The following RHOBTB2 variants were observed in gnomAD, a reference collection of about 807,000 sequenced individuals.
The protein encoded by RHOBTB2 is Rho related BTB domain containing 2.
RHOBTB2 carries 39 observed loss-of-function variants against 66.5 expected under a neutral mutation model. The ratio of observed to expected loss-of-function variants is 0.59; its 90% CI spans 0.45 to 0.77. The LOEUF is 0.77. Among genes scored for constraint, RHOBTB2 ranks in the 30% least tolerant of loss-of-function variants. The pLI is 0.00. For synonymous variants in RHOBTB2, 390 were observed against 395.0 expected (o/e 0.99, Z 0.15); for missense variants, 755 against 999.1 (o/e 0.76, Z 3.29).
In RHOBTB2 at chr8:23,007,473, C is replaced by T. The variant is rs531552869; in HGVS notation, c.1228C>T (p.Arg410Trp). ...AGAAGATCCTCTCACCTACAAATCC[C>T]GGCTGATGGTGGTGGTGAAGATGGA... ...MAEDPLTYKSRLMVVVKMDSS... is the reference protein window; with the variant it reads ...MAEDPLTYKSWLMVVVKMDSS... The change falls in exon 5 of 10, where the codon CGG becomes TGG. Residue 410 changes from arginine (R) to tryptophan (W), a missense_variant. Arg to Trp is a moderately radical substitution (Grantham distance 101). Transcript: ENST00000251822. The T allele has an allele frequency of 3.5e-5, 57 of 1,614,162 alleles. No individual in the cohort carries two copies. The East Asian group carries it at 5.8e-4, about 16-fold the overall frequency.
At chr8:22,996,738 T>C (rs1236700207), upstream of RHOBTB2, among the ~76,000 whole-genome samples, 3 of 151,932 alleles carry the variant, frequency 2.0e-5, no homozygotes, top group African/African-American at 4.8e-5. Flanking sequence ...CTTCCTGTGC[T>C]GTGAGACGCT....
chr8:22,973,546 T>C, the RHOBTB2 span, among the ~76,000 whole-genome samples: 1 of 152,236 alleles, frequency 6.6e-6, no homozygotes, highest in South Asian at 2.1e-4. Context: ...CTCTCCCCCA[T>C]GTCAAACCAC....
Position 23,011,280 on chromosome 8 carries a change from A to G in RHOBTB2, c.1771+592A>G, listed in dbSNP as rs200662989. On this transcript the variant is annotated intron_variant, in intron 7 of 9. Transcript: ENST00000251822. Reference sequence around the variant, plus strand: ...AAAACAAACAAACAAAAAATGGAACATGACAGTGCTTTATGTTCTTTGCTT... The same window carrying G: ...AAAACAAACAAACAAAAAATGGAACGTGACAGTGCTTTATGTTCTTTGCTT... 2.6e-5 allele frequency among the ~76,000 whole-genome samples: 4 copies of G among 152,318 alleles called. No individual in the cohort carries two copies. The East Asian group carries it at 7.7e-4, about 29-fold the overall frequency.
At chr8:22,996,375 C>T (rs1810557146), upstream of RHOBTB2, among the ~76,000 whole-genome samples, 1 of 152,142 alleles carries the variant, frequency 6.6e-6, no homozygotes, top group Non-Finnish European at 1.5e-5. Flanking sequence ...AGGACATTGC[C>T]AGACCCACCA....
intron 3 of RHOBTB2, 93 bp from the exon 4 acceptor site, chr8:23,005,867 G>C: frequency 1.7e-6 from 2 of 1,172,666 alleles, no homozygotes; most frequent in Non-Finnish European, 2.5e-6. Flanking sequence ...AGCCAGGTGT[G>C]GGACTGTACA....
chr8:22,979,495 T>C, the RHOBTB2 span, among the ~76,000 whole-genome samples: 2 of 152,142 alleles, frequency 1.3e-5, no homozygotes, highest in African/African-American at 4.8e-5. Context: ...TGCACGCATG[T>C]ACCACACAGA....
At chr8:22,993,544 T>C (rs913305337) in intron 2 of RHOBTB2, among the ~76,000 whole-genome samples, 4 of 152,218 alleles carry the variant, frequency 2.6e-5, no homozygotes, top group Non-Finnish European at 4.4e-5. Flanking sequence ...TAGCCACCCC[T>C]GTCTTCAGGT....
At chr8:22,985,525 G>A (rs899315450), upstream of RHOBTB2, among the ~76,000 whole-genome samples, 1 of 152,196 alleles carries the variant, frequency 6.6e-6, no homozygotes, top group Non-Finnish European at 1.5e-5. Flanking sequence ...CTGAGCATGG[G>A]AACATGATGG....
chr8:22,972,051 T>C, the RHOBTB2 span, among the ~76,000 whole-genome samples: 1 of 152,140 alleles, frequency 6.6e-6, no homozygotes, highest in Non-Finnish European at 1.5e-5. Flanking sequence ...TTCCTCTGTG[T>C]TCTCAGTTTC....
the RHOBTB2 span, among the ~76,000 whole-genome samples, chr8:22,962,060 C>A: frequency 6.6e-6 from 1 of 151,384 alleles, no homozygotes; most frequent in Non-Finnish European, 1.5e-5. Context: ...ACTCAGGAGG[C>A]CAAGGTGAGA....
At position 23,008,042 on chromosome 8, in the gene RHOBTB2, G is replaced by GT; in HGVS notation, c.1553dup (p.Leu518PhefsTer6). The GT allele has an allele frequency of 6.2e-7, 1 of 1,613,776 alleles. No individual in the cohort carries two copies. The highest frequency in any genetic ancestry group is 1.1e-5 in the South Asian group (1 of 91,056). On this transcript the variant is annotated frameshift_variant, in exon 6 of 10. Transcript: ENST00000251822. LOFTEE classifies it high-confidence loss of function. The stretch of plus-strand genomic sequence containing the variant: ...GCACCATCAGCGCCCACAAGCCCCT[G>GT]TTGATTTCCAGCTGTGACTGGATGG...
At chr8:22,999,438 G>A, upstream of RHOBTB2, 1 of 499,086 alleles carries the variant, frequency 2.0e-6, no homozygotes, top group South Asian at 5.0e-5. Flanking sequence ...GGCGGTGGGC[G>A]GGAGCGGTGC....
At chr8:23,009,934 C>T (rs1274119462) in intron 6 of RHOBTB2, among the ~76,000 whole-genome samples, 1 of 152,180 alleles carries the variant, frequency 6.6e-6, no homozygotes, top group African/African-American at 2.4e-5. Flanking sequence ...TGTGTTGCAG[C>T]GCTGCTCTCA....
chr8:22,962,256 GA>G, the RHOBTB2 span, among the ~76,000 whole-genome samples: 89,592 of 114,538 alleles, frequency 0.78, 33,845 homozygotes, highest in African/African-American at 0.85. Context: ...AAATTAAAAT[GA>G]AAAAAAAAAA....
At chr8:22,954,859 C>T in the RHOBTB2 span, among the ~76,000 whole-genome samples, 7 of 152,152 alleles carry the variant, frequency 4.6e-5, no homozygotes, top group Non-Finnish European at 8.8e-5. Flanking sequence ...TGGCTGGGTG[C>T]GGTGGCTCAC....
the RHOBTB2 span, among the ~76,000 whole-genome samples, chr8:22,953,245 G>A: frequency 1.3e-5 from 2 of 152,148 alleles, no homozygotes; most frequent in African/African-American, 4.8e-5. Context: ...CCCATGGTGC[G>A]CATGCTTGAG....
chr8:23,001,053 C>T (rs1810763542), intron 1 of RHOBTB2, among the ~76,000 whole-genome samples: 1 of 152,136 alleles, frequency 6.6e-6, no homozygotes, highest in Non-Finnish European at 1.5e-5. Flanking sequence ...TTCAGCACAC[C>T]TTGGGTTTTG....
rs199547644 is a variant in RHOBTB2, at chr8:23,006,984, G to A, written c.739G>A (p.Asp247Asn). 1.1e-4 allele frequency: 172 copies of A among 1,610,108 alleles called. No individual in the cohort carries two copies. The highest frequency in any genetic ancestry group is 1.6e-4 in the Middle Eastern group (1 of 6,082). Reference sequence around the variant, plus strand: ...ACCGCCCCCGATCATCGTGGTGCCCGACCCTCCCTCCAGCAGCGAGGAGTG... The same window carrying A: ...ACCGCCCCCGATCATCGTGGTGCCCAACCCTCCCTCCAGCAGCGAGGAGTG... Reference protein sequence around the residue: ...KPPPPIIVVPDPPSSSEECPA... With the variant: ...KPPPPIIVVPNPPSSSEECPA... Residue 247 changes from aspartate to asparagine, a missense_variant, in exon 5 of 10, where the codon GAC becomes AAC. Asp to Asn is a conservative substitution (Grantham distance 23). This residue lies in a region of RHOBTB2 where 247 missense variants were observed against 238.9 expected (regional missense o/e 1.03). Transcript: ENST00000251822. This position sits in a 1 kb window ranked among gnomAD's most constrained non-coding sequence, Gnocchi z 6.1.
chr8:22,990,590 C>G (rs1223031899), intron 1 of RHOBTB2, among the ~76,000 whole-genome samples: 1 of 152,224 alleles, frequency 6.6e-6, no homozygotes, highest in Non-Finnish European at 1.5e-5. Context: ...AGGGGGCTCT[C>G]TGTTGGCACC....
Sources: gnomAD v4.1 joint callset for allele counts (sites outside exome capture counted in the v4.1 genomes callset) on GRCh38, gnomAD v4.1.1 for gene constraint, gnomAD v4.1.1 regional missense constraint, Gnocchi (gnomAD v3.1) non-coding constraint, MANE v1.5 for transcripts, NCBI Gene and HGNC (gene_info 2026-07-23, HGNC 2026-07-21) for gene names.